RGS5: variants seen among roughly 807,000 people sequenced by gnomAD.
RGS5 encodes the protein regulator of G protein signaling 5.
RGS5 carries 20 observed loss-of-function variants against 18.9 expected under a neutral mutation model. That is an observed-to-expected ratio of 1.06 (90% CI 0.74 to 1.54). The LOEUF (loss-of-function observed/expected upper bound fraction) is 1.54. RGS5 is among the 40% of genes most tolerant of loss of function. The pLI is 0.00. For synonymous variants in RGS5, 57 were observed against 76.2 expected (o/e 0.75, Z 1.31); for missense variants, 201 against 211.8 (o/e 0.95, Z 0.32).
chr1:163,214,847 A>C (rs957053028), intron 1 of RGS5, among the ~76,000 whole-genome samples: 1 of 152,194 alleles, frequency 6.6e-6, no homozygotes. Context: ...CTAGAATCAA[A>C]AATTGCCAAA....
At chr1:163,227,448 C>T (rs1647364210) in intron 2 of RGS5, among the ~76,000 whole-genome samples, 2 of 152,054 alleles carry the variant, frequency 1.3e-5, no homozygotes, top group African/African-American at 2.4e-5. Context: ...TACTCATTAT[C>T]ACGAGAACAG....
chr1:163,269,113 C>T (rs528606968), intron 2 of RGS5, among the ~76,000 whole-genome samples: 6 of 152,192 alleles, frequency 3.9e-5, no homozygotes, highest in East Asian at 3.9e-4. Flanking sequence ...AGATAAATTG[C>T]TCTTAGAAAA....
chr1:163,172,323 C>G (rs1658340922), intron 1 of RGS5, among the ~76,000 whole-genome samples: 1 of 152,158 alleles, frequency 6.6e-6, no homozygotes, highest in Admixed American at 6.5e-5. Flanking sequence ...CTCACATTTT[C>G]TTTTACTATT....
At chr1:163,207,275 C>T (rs945542277), upstream of RGS5, among the ~76,000 whole-genome samples, 2 of 152,102 alleles carry the variant, frequency 1.3e-5, no homozygotes, top group African/African-American at 4.8e-5. Context: ...TTTATAGACC[C>T]ATTGTTAAAT....
intron 2 of RGS5, among the ~76,000 whole-genome samples, chr1:163,272,048 C>T (rs1648733587): frequency 6.6e-6 from 1 of 151,630 alleles, no homozygotes; most frequent in Non-Finnish European, 1.5e-5. Flanking sequence ...CTCTCTCTCT[C>T]TTTTTCTTTT....
chr1:163,263,357 CAAAGCTCTCTGA>C (rs758125005), intron 2 of RGS5, among the ~76,000 whole-genome samples: 42 of 152,292 alleles, frequency 2.8e-4, no homozygotes, highest in Admixed American at 1.0e-3. Flanking sequence ...TTTTCCCCTT[CAAAGCTCTCTGA>C]AAATGTTTTT....
chr1:163,263,278 A>G (rs1648499202), intron 2 of RGS5, among the ~76,000 whole-genome samples: 2 of 152,124 alleles, frequency 1.3e-5, no homozygotes, highest in Admixed American at 1.3e-4. Flanking sequence ...CCCTTTCCTG[A>G]GTCTTCCAAA....
intron 2 of RGS5, among the ~76,000 whole-genome samples, chr1:163,292,223 T>C (rs551485228): frequency 2.6e-5 from 4 of 152,258 alleles, no homozygotes; most frequent in South Asian, 2.1e-4. Context: ...CATATATCCA[T>C]GCATTCTCAT....
At chr1:163,273,258 G>C (rs1198847673) in intron 2 of RGS5, among the ~76,000 whole-genome samples, 1 of 152,052 alleles carries the variant, frequency 6.6e-6, no homozygotes, top group Non-Finnish European at 1.5e-5. Flanking sequence ...TAAGTTGGTT[G>C]ATAGCATTGC....
intron 1 of RGS5, among the ~76,000 whole-genome samples, chr1:163,177,100 T>C (rs1246372347): frequency 2.0e-5 from 3 of 152,224 alleles, no homozygotes; most frequent in Admixed American, 2.0e-4. Context: ...GTTCATTAGA[T>C]AATGGGCTCT....
At chr1:163,234,942 A>G (rs777333768) in intron 2 of RGS5, among the ~76,000 whole-genome samples, 9 of 152,196 alleles carry the variant, frequency 5.9e-5, no homozygotes, top group Non-Finnish European at 1.0e-4. Context: ...GATTGGAGGT[A>G]GAAGCTACAA....
At chr1:163,195,599 A>T (rs951078969) in intron 1 of RGS5, among the ~76,000 whole-genome samples, 1 of 151,770 alleles carries the variant, frequency 6.6e-6, no homozygotes, top group Non-Finnish European at 1.5e-5. Flanking sequence ...AATAATTTAA[A>T]ATATATATAT....
chr1:163,153,652 TA>T (rs755817630), intron 3 of RGS5, among the ~76,000 whole-genome samples: 9 of 151,318 alleles, frequency 5.9e-5, no homozygotes, highest in Admixed American at 1.3e-4. Flanking sequence ...GTAGATATTT[TA>T]GTCTATATAG....
At chr1:163,186,577 T>TAA (rs1659090979) in intron 1 of RGS5, among the ~76,000 whole-genome samples, 1 of 16,800 alleles carries the variant, frequency 6.0e-5, no homozygotes, top group Non-Finnish European at 1.3e-4. Flanking sequence ...AGACTCTGTC[T>TAA]CAAAAAAAAA....
intron 2 of RGS5, among the ~76,000 whole-genome samples, chr1:163,296,786 C>G (rs905822638): frequency 6.6e-6 from 1 of 152,146 alleles, no homozygotes; most frequent in Non-Finnish European, 1.5e-5. Flanking sequence ...TCAAGGTACA[C>G]TACCCCAAAA....
At chr1:163,176,621 CA>C (rs11397464) in intron 1 of RGS5, among the ~76,000 whole-genome samples, 8 of 142,006 alleles carry the variant, frequency 5.6e-5, no homozygotes, top group Admixed American at 7.0e-5. Flanking sequence ...AACTCAGTCT[CA>C]AAAAAAAAAA....
intron 2 of RGS5, among the ~76,000 whole-genome samples, chr1:163,285,805 C>T (rs990056846): frequency 2.6e-5 from 4 of 151,872 alleles, no homozygotes; most frequent in Admixed American, 6.6e-5. Context: ...CCTGCTCAGG[C>T]CATATGAAGA....
Position 163,208,992 on chromosome 1 carries a change from C to T in RGS5, c.69+8534G>A, listed in dbSNP as rs141039546. Among the ~76,000 whole-genome samples, 1,229 of 152,196 alleles carry T rather than the reference C, an allele frequency of 8.1e-3. 13 individuals carry two copies. The highest frequency in any genetic ancestry group is 0.013 in the Non-Finnish European group (913 of 67,976). On this transcript the variant is annotated intron_variant, in intron 1 of 5. Transcript: ENST00000367903. ...CTGCTAATAGAGAATCTAACTTCTT[C>T]TCAAATACCTATGAAATATTCACAG...
chr1:163,245,526 T>C (rs1386614157), intron 2 of RGS5, among the ~76,000 whole-genome samples: 1 of 152,230 alleles, frequency 6.6e-6, no homozygotes, highest in Non-Finnish European at 1.5e-5. Context: ...CATAAGATCT[T>C]AAAAATCAGG....
Sources: allele counts gnomAD v4.1 joint callset (sites outside exome capture counted in the v4.1 genomes callset), GRCh38; gene constraint gnomAD v4.1.1; transcripts MANE v1.5; gene names NCBI Gene and HGNC (gene_info 2026-07-23, HGNC 2026-07-21).